The following ABCA8 variants were observed in gnomAD, a reference collection of about 807,000 sequenced individuals.
The protein encoded by ABCA8 is ABC-type organic anion transporter ABCA8.
A neutral mutation model predicts 192.3 loss-of-function variants in ABCA8; 177 were observed. The ratio of observed to expected loss-of-function variants is 0.92; its 90% CI spans 0.81 to 1.04. The LOEUF (loss-of-function observed/expected upper bound fraction) is 1.04. ABCA8 is among the 50% of genes least tolerant of loss of function. The pLI, the probability that ABCA8 is intolerant of heterozygous loss-of-function variation, is 0.00. For synonymous variants in ABCA8, 642 were observed against 690.2 expected (o/e 0.93, Z 1.09); for missense variants, 1,915 against 1,904.8 (o/e 1.01, Z -0.10).
intron 35 of ABCA8, 66 bp from the exon 36 acceptor site, chr17:68,875,799 A>G: frequency 6.5e-7 from 1 of 1,536,134 alleles, no homozygotes; most frequent in East Asian, 2.3e-5. Flanking sequence ...AGATAGAGAA[A>G]AGAATTTTTA....
At chr17:68,877,441 A>C in intron 33 of ABCA8, 78 bp downstream of exon 33, 1 of 1,376,922 alleles carries the variant, frequency 7.3e-7, no homozygotes. Flanking sequence ...CCCATCCTGA[A>C]TTTCCTGTGA....
rs565129228 is a variant in ABCA8, at chr17:68,894,127, T to C, written c.3036+46A>G. 2.7e-5 allele frequency: 43 copies of C among 1,598,866 alleles called. No individual in the cohort carries two copies. In the East Asian group the frequency reaches 8.5e-4, roughly 32 times the overall value. On this transcript the variant is annotated intron_variant, in intron 23 of 39. Coordinates refer to ENST00000586539, the MANE Select transcript of ABCA8 (RefSeq NM_001288985.2). ...GCACTTAAAAGGGTGATCTGGGAGA[T>C]TCCTGATAGAGGAGAGTCAGGAATT...
intron 17 of ABCA8, 39 bp from the exon 18 acceptor site, chr17:68,907,918 G>C: frequency 6.6e-7 from 1 of 1,515,928 alleles, no homozygotes; most frequent in Non-Finnish European, 8.8e-7. Flanking sequence ...TATGTTACTC[G>C]ACATAGTCTC....
chr17:68,883,668 C>T, intron 29 of ABCA8, 123 bp downstream of exon 29: 1 of 621,748 alleles, frequency 1.6e-6, no homozygotes, highest in South Asian at 2.2e-5. Flanking sequence ...TGTATGGGCA[C>T]ATGGTTCCTA....
chr17:68,918,307 T>C, intron 15 of ABCA8, 120 bp downstream of exon 15: 1 of 1,473,092 alleles, frequency 6.8e-7, no homozygotes, highest in East Asian at 2.5e-5. Context: ...AGATACTCTA[T>C]TTAATGTTCT....
rs2143180043 is a variant in ABCA8 at position 68,869,917 on chromosome 17, A to T, written c.4632-138T>A. On this transcript the variant is annotated intron_variant, in intron 37 of 39. Coordinates refer to ENST00000586539, the MANE Select transcript of ABCA8 (RefSeq NM_001288985.2). ...TAACATGAGATCTACCCTGTTAACA[A>T]ATTTCGAAGTGAACAATCCAGTACT... The T allele has an allele frequency of 4.9e-6, 3 of 615,466 alleles. No homozygotes were observed. The East Asian group carries it at 8.0e-5, about 16-fold the overall frequency. 38.1% of individuals were successfully genotyped at this position (615,466 alleles called of 1,614,324 possible).
chr17:68,903,518 G>A lies in ABCA8; in HGVS notation c.2399-19C>T. The A allele has an allele frequency of 6.2e-7, 1 of 1,612,282 alleles. No homozygotes were observed. The highest frequency in any genetic ancestry group is 8.5e-7 in the Non-Finnish European group (1 of 1,178,674). ...GCAATGTCTGCAAAACATAAAATAA[G>A]CAACTCATATGTACTTTATTGAGCT... On this transcript the variant is annotated intron_variant, in intron 19 of 39. Coordinates refer to ENST00000586539, the MANE Select transcript of ABCA8 (RefSeq NM_001288985.2).
intron 2 of ABCA8, 93 bp from the exon 3 acceptor site, chr17:68,942,132 C>A: frequency 1.2e-6 from 1 of 864,442 alleles, no homozygotes. Flanking sequence ...TAGCCTAATA[C>A]TCCAATGTTC....
chr17:68,898,581 C>A (rs898890313), intron 21 of ABCA8, among the ~76,000 whole-genome samples: 21 of 152,202 alleles, frequency 1.4e-4, no homozygotes, highest in African/African-American at 4.8e-4. Context: ...GCGTATTTTT[C>A]CCTCTCTTGT....
At chr17:68,893,734 T>TC (rs1373387230) in intron 23 of ABCA8, among the ~76,000 whole-genome samples, 1 of 138,212 alleles carries the variant, frequency 7.2e-6, no homozygotes, top group Non-Finnish European at 1.6e-5. Context: ...TTTTTTTTTT[T>TC]CCTTTTCTTT....
At chr17:68,922,000 A>T (rs1181484512) in intron 12 of ABCA8, among the ~76,000 whole-genome samples, 1 of 152,036 alleles carries the variant, frequency 6.6e-6, no homozygotes, top group East Asian at 1.9e-4. Flanking sequence ...TTCTAAATAC[A>T]TCTATTTCTA....
At position 68,881,125 on chromosome 17, in the gene ABCA8, C is replaced by T. The variant is rs772616312; in HGVS notation, c.4033G>A (p.Gly1345Arg). ...TTTCCACATAATTCACCTACTTGTC[C>T]AGCAGTTGGTTTTGTGTCTCCAGTT... ...VITGDTKPTAGQVLLKGSGGG... is the reference protein window; with the variant it reads ...VITGDTKPTARQVLLKGSGGG... The change falls in exon 32 of 40, where the codon GGA becomes AGA. Residue 1345 changes from glycine to arginine, a missense_variant. Coordinates refer to ENST00000586539, the MANE Select transcript of ABCA8 (RefSeq NM_001288985.2). 2 of 1,606,548 alleles carry T rather than the reference C, an allele frequency of 1.2e-6. No individual in the cohort carries two copies. The highest frequency in any genetic ancestry group is 1.7e-5 in the Admixed American group (1 of 59,992).
At chr17:68,921,635 G>A in intron 12 of ABCA8, 143 bp from the exon 13 acceptor site, 1 of 467,266 alleles carries the variant, frequency 2.1e-6, no homozygotes, top group Non-Finnish European at 3.8e-6. Context: ...AAATATAGTG[G>A]GTTGTTAAAT....
intron 37 of ABCA8, among the ~76,000 whole-genome samples, chr17:68,874,774 A>T (rs2066156189): frequency 6.6e-6 from 1 of 152,194 alleles, no homozygotes; most frequent in African/African-American, 2.4e-5. Context: ...TATGAAAATA[A>T]ATACATCAGG....
chr17:68,884,423 CAG>C (rs775911730), intron 27 of ABCA8, 27 bp from the exon 28 acceptor site: 16 of 1,555,862 alleles, frequency 1.0e-5, no homozygotes, highest in Non-Finnish European at 1.2e-5. Context: ...AATTGCTAAA[CAG>C]GGAGTTTTTT....
chr17:68,884,659 G>C, intron 27 of ABCA8: 1 of 1,163,076 alleles, frequency 8.6e-7, no homozygotes, highest in Non-Finnish European at 1.1e-6. Flanking sequence ...CAAACAGTGA[G>C]AGACAGTGTT....
chr17:68,916,095 T>A (rs1174174768), intron 17 of ABCA8, among the ~76,000 whole-genome samples: 1 of 152,122 alleles, frequency 6.6e-6, no homozygotes, highest in East Asian at 1.9e-4. Context: ...TTTATGGAGA[T>A]AGTAGAAGGA....
chr17:68,893,120 G>C (rs991234007), intron 23 of ABCA8, among the ~76,000 whole-genome samples: 1 of 152,166 alleles, frequency 6.6e-6, no homozygotes, highest in African/African-American at 2.4e-5. Flanking sequence ...ATGTAGATAA[G>C]TTGATGAGCC....
At chr17:68,869,293 G>A (rs1489693710) in intron 38 of ABCA8, among the ~76,000 whole-genome samples, 1 of 152,152 alleles carries the variant, frequency 6.6e-6, no homozygotes, top group Non-Finnish European at 1.5e-5. Flanking sequence ...TTGTTTCAAT[G>A]ACCAGACAGG....
Sources: allele counts gnomAD v4.1 joint callset (sites outside exome capture counted in the v4.1 genomes callset), GRCh38; gene constraint gnomAD v4.1.1; transcripts MANE v1.5; gene names NCBI Gene and HGNC (gene_info 2026-07-23, HGNC 2026-07-21).